STXBP4: variants seen among roughly 807,000 people sequenced by gnomAD.
STXBP4 encodes syntaxin-binding protein 4.
In STXBP4, 55 loss-of-function variants were observed where a neutral mutation model predicts 76.1. The observed-to-expected ratio is 0.72, with a 90% CI of 0.58 to 0.91. The LOEUF is 0.91. Among genes scored for constraint, STXBP4 ranks in the 40% least tolerant of loss-of-function variants. The pLI is 0.00. For synonymous variants in STXBP4, 201 were observed against 220.2 expected (o/e 0.91, Z 0.77); for missense variants, 618 against 636.9 (o/e 0.97, Z 0.32).
chr17:55,205,619 G>A, the STXBP4 span, among the ~76,000 whole-genome samples: 2 of 151,604 alleles, frequency 1.3e-5, no homozygotes, highest in East Asian at 3.9e-4. Context: ...TACATAAAAG[G>A]TACTAGAAAT....
rs866409064 is a variant in STXBP4 at position 55,171,491 on chromosome 17, G to A, written c.*11580G>A. The A allele has an allele frequency of 6.6e-6, 1 of 152,192 alleles. No individual in the cohort carries two copies. Among genetic ancestry groups the A allele is most frequent in the Non-Finnish European group, 1.5e-5 (1 of 68,032 alleles). The allele number at this position is 152,192 out of a possible 1,614,324, so 9.4% of individuals were successfully genotyped here. On this transcript the variant is annotated 3_prime_UTR_variant, in exon 18 of 18. Transcript: ENST00000376352. Reference sequence around the variant, plus strand: ...GATTTATCTATAAGGAATAATCTGTGAATTAACCTTCTGTAGCTTTTCCTT... The same window carrying A: ...GATTTATCTATAAGGAATAATCTGTAAATTAACCTTCTGTAGCTTTTCCTT...
chr17:54,998,090 T>C (rs185409752), intron 4 of STXBP4, among the ~76,000 whole-genome samples: 13 of 152,294 alleles, frequency 8.5e-5, no homozygotes, highest in African/African-American at 2.2e-4. Flanking sequence ...GTGAAAGAGA[T>C]AGTACTTCAT....
chr17:55,132,733 T>C (rs1037314557), intron 16 of STXBP4, among the ~76,000 whole-genome samples: 53 of 150,856 alleles, frequency 3.5e-4, no homozygotes, highest in African/African-American at 1.3e-3. Flanking sequence ...AGAAACCAGG[T>C]TGAGGGGGAT....
chr17:55,195,551 G>A, the STXBP4 span, among the ~76,000 whole-genome samples: 2 of 152,124 alleles, frequency 1.3e-5, no homozygotes, highest in African/African-American at 4.8e-5. Context: ...GACTCAAGTG[G>A]TTCTCCCAAC....
intron 8 of STXBP4, among the ~76,000 whole-genome samples, chr17:55,013,639 C>T (rs1473036956): frequency 3.3e-5 from 5 of 152,132 alleles, no homozygotes; most frequent in Non-Finnish European, 7.3e-5. Context: ...CCACAGGTGG[C>T]GAGGAAATTT....
At chr17:55,033,392 TA>T (rs1274519123) in intron 9 of STXBP4, among the ~76,000 whole-genome samples, 2 of 150,932 alleles carry the variant, frequency 1.3e-5, no homozygotes, top group Admixed American at 6.6e-5. Flanking sequence ...AATAAATAAA[TA>T]AAATAAAATA....
chr17:55,002,993 TC>T (rs1040239356), intron 7 of STXBP4, among the ~76,000 whole-genome samples: 46 of 152,284 alleles, frequency 3.0e-4, no homozygotes, highest in African/African-American at 1.1e-3. Flanking sequence ...TTTTATGTCC[TC>T]CCCTTGACCC....
chr17:55,069,814 C>T (rs1226762679), intron 12 of STXBP4, among the ~76,000 whole-genome samples: 1 of 151,990 alleles, frequency 6.6e-6, no homozygotes, highest in Non-Finnish European at 1.5e-5. Flanking sequence ...ATTCTTTGAA[C>T]AAAAATAAAA....
Position 55,172,250 on chromosome 17 carries a change from C to T in STXBP4, c.*12339C>T, listed in dbSNP as rs1485201939. On this transcript the variant is annotated 3_prime_UTR_variant, in exon 18 of 18. Coordinates refer to ENST00000376352, the MANE Select transcript of STXBP4 (RefSeq NM_178509.6). Reference sequence around the variant, plus strand: ...GGCTCTTGGTAGCACATTAGAAACACCTGGAGAGATTTTAAAATTTACAAA... The same window carrying T: ...GGCTCTTGGTAGCACATTAGAAACATCTGGAGAGATTTTAAAATTTACAAA... 1 of 152,202 alleles carries T rather than the reference C, an allele frequency of 6.6e-6. No homozygotes were observed. The highest frequency in any genetic ancestry group is 1.5e-5 in the Non-Finnish European group (1 of 68,068). 9.4% of individuals were successfully genotyped at this position (152,202 alleles called of 1,614,324 possible).
chr17:55,179,228 G>T, the STXBP4 span, among the ~76,000 whole-genome samples: 1 of 152,006 alleles, frequency 6.6e-6, no homozygotes, highest in African/African-American at 2.4e-5. Context: ...CTACCACTGG[G>T]ACTATTTAAT....
At chr17:55,067,909 G>T (rs561951547) in intron 12 of STXBP4, among the ~76,000 whole-genome samples, 1 of 152,202 alleles carries the variant, frequency 6.6e-6, no homozygotes, top group Admixed American at 6.5e-5. Flanking sequence ...AGTCATGGAG[G>T]GGGAGTGAGG....
intron 16 of STXBP4, among the ~76,000 whole-genome samples, chr17:55,129,426 A>T (rs2079950550): frequency 6.6e-6 from 1 of 152,144 alleles, no homozygotes; most frequent in Admixed American, 6.5e-5. Flanking sequence ...ACAAAAAAAA[A>T]TAAAGAAAAC....
At position 54,975,055 on chromosome 17, in the gene STXBP4, A is replaced by G. The variant is rs533959529; in HGVS notation, c.-157+6240A>G. On this transcript the variant is annotated intron_variant, in intron 1 of 17. Coordinates refer to ENST00000376352, the MANE Select transcript of STXBP4 (RefSeq NM_178509.6). ...CTTCTATCCAGGAACTTTTTAGCTGATCCTCAGGTTCGTTCCAAGTCCTGA... is the reference window on the plus strand; with the variant it reads ...CTTCTATCCAGGAACTTTTTAGCTGGTCCTCAGGTTCGTTCCAAGTCCTGA... Among the ~76,000 whole-genome samples the G allele has an allele frequency of 9.2e-5, 14 of 152,298 alleles. No individual in the cohort carries two copies. The East Asian group carries it at 2.5e-3, about 27-fold the overall frequency.
chr17:55,027,634 G>A (rs1030863171), intron 8 of STXBP4, among the ~76,000 whole-genome samples: 4 of 152,078 alleles, frequency 2.6e-5, no homozygotes, highest in Admixed American at 2.6e-4. Flanking sequence ...ACTGTAGAGT[G>A]AAAAAAGCAA....
intron 12 of STXBP4, among the ~76,000 whole-genome samples, chr17:55,047,944 G>A (rs2078811310): frequency 6.6e-6 from 1 of 151,956 alleles, no homozygotes; most frequent in African/African-American, 2.4e-5. Context: ...AACAGAGGAG[G>A]CAAGGCTTGA....
At chr17:55,186,136 C>A in the STXBP4 span, among the ~76,000 whole-genome samples, 7 of 152,220 alleles carry the variant, frequency 4.6e-5, no homozygotes, top group Non-Finnish European at 7.3e-5. Flanking sequence ...AAACCCTCCA[C>A]GTGATTGCTG....
chr17:55,011,568 G>T (rs553712759), intron 8 of STXBP4, among the ~76,000 whole-genome samples: 2 of 130,586 alleles, frequency 1.5e-5, no homozygotes, highest in Admixed American at 9.3e-5. Context: ...AAAGGGAGGG[G>T]ACCCAAAGAG....
intron 1 of STXBP4, among the ~76,000 whole-genome samples, chr17:54,984,510 T>C (rs1238197554): frequency 6.6e-6 from 1 of 151,550 alleles, no homozygotes; most frequent in Non-Finnish European, 1.5e-5. Context: ...CCCGGCTAAT[T>C]TTTTTTGTAT....
Position 55,078,217 on chromosome 17 carries a change from A to T in STXBP4, c.1305+23A>T, listed in dbSNP as rs2079211009. ...GAGGTAAGTTTTTCTGTTCTATTAC[A>T]TTCATCTTTAAAAAATATATAGGCA... On this transcript the variant is annotated intron_variant, in intron 14 of 17. Coordinates refer to ENST00000376352, the MANE Select transcript of STXBP4 (RefSeq NM_178509.6). 2.0e-6 allele frequency: 3 copies of T among 1,477,044 alleles called. No individual in the cohort carries two copies. The African/African-American group carries it at 4.2e-5, about 21-fold the overall frequency. The allele number at this position is 1,477,044 out of a possible 1,614,324, so 91.5% of individuals were successfully genotyped here.
Sources: allele counts gnomAD v4.1 joint callset (sites outside exome capture counted in the v4.1 genomes callset), GRCh38; gene constraint gnomAD v4.1.1; transcripts MANE v1.5; gene names NCBI Gene and HGNC (gene_info 2026-07-23, HGNC 2026-07-21).